The following NCAM2 variants were observed in gnomAD, a reference collection of about 807,000 sequenced individuals.
NCAM2 encodes the protein N-CAM-2.
A neutral mutation model predicts 98.1 loss-of-function variants in NCAM2; 30 were observed. That is an observed-to-expected ratio of 0.31 (90% confidence interval 0.23 to 0.41). NCAM2 has a LOEUF of 0.41. Among genes scored for constraint, NCAM2 ranks in the 10% least tolerant of loss-of-function variants. NCAM2 has a pLI of 1.00. For synonymous variants in NCAM2, 368 were observed against 342.4 expected (o/e 1.07, Z -0.83); for missense variants, 867 against 1,005.8 (o/e 0.86, Z 1.87).
intron 1 of NCAM2, among the ~76,000 whole-genome samples, chr21:21,275,648 T>A (rs931615600): frequency 4.6e-5 from 7 of 152,126 alleles, no homozygotes; most frequent in African/African-American, 1.7e-4. Context: ...AATCTTAACA[T>A]CTTTGACTTT....
intron 1 of NCAM2, among the ~76,000 whole-genome samples, chr21:21,275,030 A>G (rs372472735): frequency 1.3e-5 from 2 of 152,228 alleles, no homozygotes; most frequent in South Asian, 2.1e-4. Flanking sequence ...TATCTTTTGA[A>G]TATCTGTTTG....
intron 1 of NCAM2, among the ~76,000 whole-genome samples, chr21:21,155,435 CT>C (rs942620013): frequency 3.3e-5 from 5 of 151,440 alleles, no homozygotes; most frequent in Admixed American, 2.0e-4. Context: ...TCCATTCTTT[CT>C]TTTTCCTTTT....
intron 1 of NCAM2, among the ~76,000 whole-genome samples, chr21:21,251,735 C>T (rs1043217844): frequency 1.1e-5 from 1 of 87,916 alleles, no homozygotes; most frequent in Admixed American, 1.7e-4. Context: ...CCTTTACCCA[C>T]TTTTTGATGT....
At chr21:21,267,138 A>T (rs1297736072) in intron 1 of NCAM2, among the ~76,000 whole-genome samples, 1 of 152,200 alleles carries the variant, frequency 6.6e-6, no homozygotes, top group Non-Finnish European at 1.5e-5. Context: ...TTTGAAGCAT[A>T]CTGCACAGTT....
chr21:21,222,166 A>G (rs568721776), intron 1 of NCAM2, among the ~76,000 whole-genome samples: 2 of 152,288 alleles, frequency 1.3e-5, no homozygotes, highest in African/African-American at 2.4e-5. Context: ...GATTCTTTCA[A>G]ATATTACTGA....
At chr21:21,527,901 TTTTCAGAAGCTTG>T (rs1287710046) in intron 16 of NCAM2, among the ~76,000 whole-genome samples, 1 of 152,194 alleles carries the variant, frequency 6.6e-6, no homozygotes, top group Non-Finnish European at 1.5e-5. Flanking sequence ...CACACTGATG[TTTTCAGAAGCTTG>T]TTTCATAACT....
chr21:21,454,053 T>A (rs977407843), intron 12 of NCAM2, among the ~76,000 whole-genome samples: 1 of 152,088 alleles, frequency 6.6e-6, no homozygotes, highest in Non-Finnish European at 1.5e-5. Context: ...ATTGTGGAAA[T>A]TAATTGATCT....
chr21:21,538,404 C>T lies in NCAM2; in HGVS notation c.*447C>T, dbSNP rs1408252214. ...AGATTCTTAAAGTGGCTTTCAACTT[C>T]AAGATGAAGGAGCTTAATAATGGTT... On this transcript the variant is annotated 3_prime_UTR_variant, in exon 18 of 18. Coordinates refer to ENST00000400546, the MANE Select transcript of NCAM2 (RefSeq NM_004540.5). 3 of 152,586 alleles carry T rather than the reference C, an allele frequency of 2.0e-5. No homozygotes were observed. Among genetic ancestry groups the T allele is most frequent in the Non-Finnish European group, 4.4e-5 (3 of 68,048 alleles). The allele number at this position is 152,586 out of a possible 1,614,324, so 9.5% of individuals were successfully genotyped here.
intron 1 of NCAM2, among the ~76,000 whole-genome samples, chr21:21,149,509 A>T (rs968426610): frequency 1.3e-5 from 2 of 151,984 alleles, no homozygotes; most frequent in Non-Finnish European, 2.9e-5. Context: ...TCAACCCATC[A>T]TCTAGGTTTT....
At chr21:21,176,176 A>G (rs1405923599) in intron 1 of NCAM2, among the ~76,000 whole-genome samples, 2 of 152,196 alleles carry the variant, frequency 1.3e-5, no homozygotes, top group Non-Finnish European at 2.9e-5. Flanking sequence ...AATTATTGGA[A>G]GCACTAGGCT....
At chr21:21,390,559 C>CACCT (rs1165918307) in intron 9 of NCAM2, among the ~76,000 whole-genome samples, 1 of 152,164 alleles carries the variant, frequency 6.6e-6, no homozygotes, top group Non-Finnish European at 1.5e-5. Context: ...TAATTTACAT[C>CACCT]ACCTTAACAT....
intron 5 of NCAM2, among the ~76,000 whole-genome samples, chr21:21,314,169 T>A (rs1202344264): frequency 6.6e-6 from 1 of 152,144 alleles, no homozygotes; most frequent in African/African-American, 2.4e-5. Context: ...ATTTCTTTTC[T>A]CTTTTAGAAG....
chr21:21,309,610 C>T (rs2073982621), intron 5 of NCAM2, among the ~76,000 whole-genome samples: 1 of 152,190 alleles, frequency 6.6e-6, no homozygotes, highest in African/African-American at 2.4e-5. Flanking sequence ...CAGTACTCAT[C>T]TGGAGGCTCC....
chr21:21,525,347 A>G (rs935210660), intron 16 of NCAM2, among the ~76,000 whole-genome samples: 4 of 152,128 alleles, frequency 2.6e-5, no homozygotes, highest in African/African-American at 9.7e-5. Flanking sequence ...ACTACTATAG[A>G]CAGCATTGTC....
chr21:21,056,521 T>TGTGC (rs1018066250), intron 1 of NCAM2, among the ~76,000 whole-genome samples: 17 of 148,230 alleles, frequency 1.1e-4, no homozygotes, highest in Non-Finnish European at 1.8e-4. Flanking sequence ...TGTGTGTGTG[T>TGTGC]GTGCATGAGA....
chr21:21,070,855 A>G (rs2065547392), intron 1 of NCAM2, among the ~76,000 whole-genome samples: 1 of 152,212 alleles, frequency 6.6e-6, no homozygotes, highest in Non-Finnish European at 1.5e-5. Flanking sequence ...TATCCAATAA[A>G]TATTGTGAGA....
At chr21:21,041,908 G>A (rs2146263423) in intron 1 of NCAM2, among the ~76,000 whole-genome samples, 1 of 152,212 alleles carries the variant, frequency 6.6e-6, no homozygotes, top group East Asian at 1.9e-4. Flanking sequence ...AAGAATATGA[G>A]ACCAGCATTG....
chr21:21,536,739 T>C (rs1253393508), intron 17 of NCAM2, among the ~76,000 whole-genome samples: 2 of 152,124 alleles, frequency 1.3e-5, no homozygotes, highest in African/African-American at 4.8e-5. Context: ...AAGTATGTTG[T>C]TAAGGGAGAA....
chr21:21,088,927 C>T (rs8131439), intron 1 of NCAM2, among the ~76,000 whole-genome samples: 34,286 of 150,574 alleles, frequency 0.23, 4,572 homozygotes, highest in African/African-American at 0.36. Context: ...AGCTAGATTG[C>T]GCCACTGCAC....
Sources: gnomAD v4.1 joint callset for allele counts (sites outside exome capture counted in the v4.1 genomes callset) on GRCh38, gnomAD v4.1.1 for gene constraint, MANE v1.5 for transcripts, NCBI Gene and HGNC (gene_info 2026-07-23, HGNC 2026-07-21) for gene names.